Variants in FNDC3A observed in about 807,000 individuals in gnomAD.
FNDC3A encodes the protein fibronectin type III domain containing 3A.
In FNDC3A, 32 loss-of-function variants were observed where a neutral mutation model predicts 148.9. That is an observed-to-expected ratio of 0.21 (90% CI 0.16 to 0.29). The LOEUF (loss-of-function observed/expected upper bound fraction) is 0.29, where lower values mean the gene tolerates loss of function less well. FNDC3A is among the 10% of genes least tolerant of loss of function. The pLI is 1.00. For missense variants in FNDC3A, 1,191 were observed against 1,452.8 expected, an observed-to-expected ratio of 0.82 and a Z score of 2.93; for synonymous variants, 472 against 473.6, an observed-to-expected ratio of 1.00 and a Z score of 0.04.
At chr13:49,060,398 C>A (rs771361413) in intron 2 of FNDC3A, among the ~76,000 whole-genome samples, 2 of 152,118 alleles carry the variant, frequency 1.3e-5, no homozygotes, top group Non-Finnish European at 2.9e-5. Context: ...AATCCCAGCA[C>A]TTTGGAAGGC....
At chr13:48,980,076 A>C (rs1348385449) in intron 1 of FNDC3A, among the ~76,000 whole-genome samples, 1 of 152,132 alleles carries the variant, frequency 6.6e-6, no homozygotes, top group Non-Finnish European at 1.5e-5. Flanking sequence ...CCTAAAAAAA[A>C]AGTATGTAGA....
intron 1 of FNDC3A, among the ~76,000 whole-genome samples, chr13:48,981,034 A>G (rs1259088215): frequency 6.6e-6 from 1 of 152,182 alleles, no homozygotes; most frequent in Non-Finnish European, 1.5e-5. Flanking sequence ...TTTCATACTT[A>G]GTACATACAG....
At chr13:49,036,952 A>G (rs1047580814) in intron 2 of FNDC3A, among the ~76,000 whole-genome samples, 2 of 152,222 alleles carry the variant, frequency 1.3e-5, no homozygotes, top group Non-Finnish European at 2.9e-5. Context: ...GCTATTGACC[A>G]TTAGAACACT....
At chr13:49,185,645 G>A (rs530960217) in intron 14 of FNDC3A, among the ~76,000 whole-genome samples, 1 of 152,274 alleles carries the variant, frequency 6.6e-6, no homozygotes, top group African/African-American at 2.4e-5. Flanking sequence ...GTTAAAAGAA[G>A]AAACAAAGCA....
chr13:49,197,551 G>C lies in FNDC3A; in HGVS notation c.2341-174G>C, dbSNP rs567053097. 3.4e-4 allele frequency among the ~76,000 whole-genome samples: 52 copies of C among 151,018 alleles called. 1 individual carries two copies. Among genetic ancestry groups the C allele is most frequent in the African/African-American group, 1.1e-3 (47 of 41,476 alleles). ...ATATATTTGACCAATCTTAAATTCA[G>C]ATAATCTTAATGAATAAAAAATGTA... is the stretch of plus-strand genomic sequence containing the variant. On this transcript the variant is annotated intron_variant, in intron 20 of 25. Transcript: ENST00000492622.
intron 14 of FNDC3A, among the ~76,000 whole-genome samples, chr13:49,182,642 T>C (rs1285281115): frequency 6.6e-6 from 1 of 152,298 alleles, no homozygotes; most frequent in South Asian, 2.1e-4. Context: ...CACTTTCAGC[T>C]TATTCCTTGT....
At chr13:49,007,861 A>G (rs1041763592) in intron 2 of FNDC3A, among the ~76,000 whole-genome samples, 5 of 152,146 alleles carry the variant, frequency 3.3e-5, no homozygotes, top group Middle Eastern at 3.2e-3. Flanking sequence ...GTGTAGAGTA[A>G]AGCCTTGAAT....
intron 5 of FNDC3A, among the ~76,000 whole-genome samples, chr13:49,132,549 A>G (rs752907920): frequency 1.3e-4 from 20 of 152,324 alleles, no homozygotes; most frequent in African/African-American, 4.6e-4. Context: ...AACATTTTAA[A>G]TATTCTGACA....
intron 4 of FNDC3A, among the ~76,000 whole-genome samples, chr13:49,119,507 T>C (rs1438297327): frequency 2.0e-5 from 3 of 151,920 alleles, no homozygotes; most frequent in Non-Finnish European, 2.9e-5. Context: ...TTGACAGAAG[T>C]AGGCTTCAGA....
chr13:49,196,855 C>A (rs776576263), intron 19 of FNDC3A, 22 bp from the exon 20 acceptor site: 2 of 1,315,292 alleles, frequency 1.5e-6, no homozygotes, highest in Non-Finnish European at 2.2e-6. Context: ...AATAAAAACA[C>A]TAGTTACATT....
intron 8 of FNDC3A, among the ~76,000 whole-genome samples, chr13:49,150,385 T>C (rs1329382941): frequency 6.6e-6 from 1 of 152,244 alleles, no homozygotes; most frequent in Admixed American, 6.5e-5. Context: ...TTAAGCTTTT[T>C]AATGTAGACA....
intron 2 of FNDC3A, among the ~76,000 whole-genome samples, chr13:49,073,712 T>C (rs1252722905): frequency 2.8e-5 from 4 of 144,896 alleles, no homozygotes; most frequent in Non-Finnish European, 6.0e-5. Flanking sequence ...ATAATATATA[T>C]GTGTATATAT....
rs193044396 is a variant in FNDC3A, at chr13:49,158,677, T to A, written c.978-8567T>A. ...GTTGCCATTGCTTTCGGTGTTTTAG[T>A]CATGAAGTCCTTGCCTATGCCTATG... is the stretch of plus-strand genomic sequence containing the variant. On this transcript the variant is annotated intron_variant, in intron 8 of 25. Transcript: ENST00000492622. 4.6e-3 allele frequency among the ~76,000 whole-genome samples: 706 copies of A among 152,326 alleles called. 7 individuals are homozygous for A. Among genetic ancestry groups the A allele is most frequent in the African/African-American group, 0.016 (678 of 41,570 alleles).
chr13:48,993,304 T>C (rs1272975284), intron 1 of FNDC3A, among the ~76,000 whole-genome samples: 2 of 152,166 alleles, frequency 1.3e-5, no homozygotes, highest in Non-Finnish European at 2.9e-5. Flanking sequence ...TGGGAACTTA[T>C]TAGAGATGTG....
At chr13:49,069,545 T>C (rs1001671850) in intron 2 of FNDC3A, among the ~76,000 whole-genome samples, 1 of 152,220 alleles carries the variant, frequency 6.6e-6, no homozygotes, top group African/African-American at 2.4e-5. Context: ...CTTCCCACTC[T>C]TCTTGCCTGG....
At chr13:49,101,048 C>T (rs1321894781) in intron 3 of FNDC3A, among the ~76,000 whole-genome samples, 1 of 152,048 alleles carries the variant, frequency 6.6e-6, no homozygotes, top group East Asian at 1.9e-4. Flanking sequence ...GGCCTCTGAA[C>T]GGGATAAGAG....
chr13:49,013,810 T>TATGAG (rs1952426941), intron 2 of FNDC3A, among the ~76,000 whole-genome samples: 1 of 144,840 alleles, frequency 6.9e-6, no homozygotes, highest in African/African-American at 2.6e-5. Context: ...ATGTGTTCTC[T>TATGAG]TTGTTCAATT....
At position 49,024,798 on chromosome 13, in the gene FNDC3A, G is replaced by A. The variant is rs1052893417; in HGVS notation, c.99+18509G>A. Among the ~76,000 whole-genome samples, 7 of 151,944 alleles carry A rather than the reference G, an allele frequency of 4.6e-5. No individual in the cohort carries two copies. In the East Asian group the frequency reaches 7.7e-4, roughly 17 times the overall value. On this transcript the variant is annotated intron_variant, in intron 2 of 25. Transcript: ENST00000492622. The stretch of plus-strand genomic sequence containing the variant: ...ATATCATGCTGAATGGGGAAAAGCC[G>A]AAAGCTTTTTCTCTAGGAACTGAAA...
At chr13:49,171,160 A>T (rs1337267402) in intron 10 of FNDC3A, among the ~76,000 whole-genome samples, 2 of 152,092 alleles carry the variant, frequency 1.3e-5, no homozygotes, top group Non-Finnish European at 2.9e-5. Context: ...ATTATAATTT[A>T]AAAAAAATTA....
Sources: allele counts gnomAD v4.1 joint callset (sites outside exome capture counted in the v4.1 genomes callset), GRCh38; gene constraint gnomAD v4.1.1; transcripts MANE v1.5; gene names NCBI Gene and HGNC (gene_info 2026-07-23, HGNC 2026-07-21).